The following RBFOX1 variants were observed in gnomAD, a reference collection of about 807,000 sequenced individuals.
The protein encoded by RBFOX1 is RNA binding protein fox-1 homolog 1.
Under a neutral mutation model 57.7 loss-of-function variants are expected in RBFOX1, and 8 were observed. The observed-to-expected ratio is 0.14, with a 90% CI of 0.08 to 0.25. The LOEUF is 0.25. RBFOX1 is among the 10% of genes least tolerant of loss of function. RBFOX1 has a pLI of 1.00. For synonymous variants in RBFOX1, 326 were observed against 222.4 expected (o/e 1.47, Z -4.15); for missense variants, 611 against 548.5 (o/e 1.11, Z -1.14).
intron 1 of RBFOX1, among the ~76,000 whole-genome samples, chr16:5,348,828 C>G (rs908537433): frequency 2.6e-4 from 39 of 152,204 alleles, no homozygotes; most frequent in African/African-American, 9.4e-4. Context: ...TCAGCAGACT[C>G]TTAGGTTGTT....
chr16:6,522,454 A>T (rs1046598365), intron 2 of RBFOX1, among the ~76,000 whole-genome samples: 1 of 152,176 alleles, frequency 6.6e-6, no homozygotes, highest in Non-Finnish European at 1.5e-5. Context: ...AAAGATATTT[A>T]TGAAGACATC....
chr16:6,671,254 T>C (rs1349487386), intron 3 of RBFOX1, among the ~76,000 whole-genome samples: 1 of 152,194 alleles, frequency 6.6e-6, no homozygotes, highest in African/African-American at 2.4e-5. Flanking sequence ...AATGGCTTCT[T>C]ATGCTCAGCA....
intron 4 of RBFOX1, among the ~76,000 whole-genome samples, chr16:7,387,709 G>A (rs2148289610): frequency 6.6e-6 from 1 of 152,284 alleles, no homozygotes; most frequent in African/African-American, 2.4e-5. Context: ...GCAGCTGTGG[G>A]CCATCATGGT....
chr16:7,591,920 G>T (rs912933119), intron 7 of RBFOX1, among the ~76,000 whole-genome samples: 1 of 152,180 alleles, frequency 6.6e-6, no homozygotes, highest in Non-Finnish European at 1.5e-5. Flanking sequence ...AAGGTTGCCT[G>T]GCACCTGTGC....
Position 5,941,956 on chromosome 16 carries a change from G to T in RBFOX1, c.351+74621G>T, listed in dbSNP as rs536655789. Among the ~76,000 whole-genome samples, 46 of 151,652 alleles carry T rather than the reference G, an allele frequency of 3.0e-4. 1 individual carries two copies. The highest frequency in any genetic ancestry group is 1.1e-3 in the African/African-American group (45 of 41,300). ...ATACTAGATAACAACGACCACCATT[G>T]TTATGGTATTTTTCTAAATCATATC... is the stretch of plus-strand genomic sequence containing the variant. On this transcript the variant is annotated intron_variant, in intron 4 of 19. Coordinates refer to the RBFOX1 transcript ENST00000641259.
chr16:6,992,952 C>T (rs2091737294), intron 3 of RBFOX1, among the ~76,000 whole-genome samples: 1 of 152,016 alleles, frequency 6.6e-6, no homozygotes, highest in African/African-American at 2.4e-5. Flanking sequence ...CAGACTCCTT[C>T]TTCCCAATTA....
chr16:5,991,580 A>T (rs1303238496), intron 4 of RBFOX1, among the ~76,000 whole-genome samples: 3 of 151,606 alleles, frequency 2.0e-5, no homozygotes, highest in Non-Finnish European at 4.4e-5. Context: ...ATCGCAGTGG[A>T]GCAATTGCAC....
intron 1 of RBFOX1, among the ~76,000 whole-genome samples, chr16:6,226,946 T>TTA (rs2097422601): frequency 3.0e-5 from 3 of 101,048 alleles, no homozygotes; most frequent in Non-Finnish European, 6.3e-5. Flanking sequence ...CCATCTCTAC[T>TTA]AAAAAAAAAA....
chr16:6,869,523 G>T (rs900858115), intron 3 of RBFOX1, among the ~76,000 whole-genome samples: 1 of 151,678 alleles, frequency 6.6e-6, no homozygotes, highest in Non-Finnish European at 1.5e-5. Context: ...ATATAAAAGG[G>T]TTTTATGAAT....
intron 3 of RBFOX1, among the ~76,000 whole-genome samples, chr16:6,864,024 A>G (rs1421597365): frequency 6.6e-6 from 1 of 150,514 alleles, no homozygotes; most frequent in African/African-American, 2.4e-5. Flanking sequence ...ATGCCTTGCA[A>G]AACCTCTAAT....
intron 4 of RBFOX1, among the ~76,000 whole-genome samples, chr16:7,101,904 C>T (rs777284120): frequency 1.3e-5 from 2 of 152,048 alleles, no homozygotes; most frequent in Admixed American, 1.3e-4. Flanking sequence ...GCATGGAGAC[C>T]AGGTGTTTAC....
At chr16:5,406,590 CTA>C (rs372914852) in intron 1 of RBFOX1, among the ~76,000 whole-genome samples, 29 of 151,756 alleles carry the variant, frequency 1.9e-4, no homozygotes, top group Non-Finnish European at 3.8e-4. Context: ...CTCTCTCTCT[CTA>C]TATATATGTA....
chr16:7,205,643 G>T (rs1166484036), intron 4 of RBFOX1, among the ~76,000 whole-genome samples: 3 of 152,108 alleles, frequency 2.0e-5, no homozygotes, highest in African/African-American at 7.2e-5. Flanking sequence ...ATACATTTTA[G>T]AAACCAAAAT....
At chr16:6,614,012 C>G (rs903247299) in intron 2 of RBFOX1, among the ~76,000 whole-genome samples, 1 of 152,172 alleles carries the variant, frequency 6.6e-6, no homozygotes, top group South Asian at 2.1e-4. Context: ...CAATTACTAA[C>G]CAGAGTTTTT....
chr16:7,164,722 C>A (rs1373831890), intron 4 of RBFOX1, among the ~76,000 whole-genome samples: 1 of 152,176 alleles, frequency 6.6e-6, no homozygotes, highest in Non-Finnish European at 1.5e-5. Flanking sequence ...TACCTCATGG[C>A]TGTATAGAAG....
At chr16:7,691,938 C>T (rs1334755941) in intron 14 of RBFOX1, among the ~76,000 whole-genome samples, 1 of 152,136 alleles carries the variant, frequency 6.6e-6, no homozygotes, top group South Asian at 2.1e-4. Flanking sequence ...TTCTAAGTGC[C>T]TGTTTTGTGC....
chr16:6,995,069 C>T (rs955632990), intron 3 of RBFOX1, among the ~76,000 whole-genome samples: 1 of 151,656 alleles, frequency 6.6e-6, no homozygotes, highest in East Asian at 2.0e-4. Context: ...CTAAAACTCT[C>T]TGGGGTTAAG....
intron 1 of RBFOX1, among the ~76,000 whole-genome samples, chr16:5,272,579 A>G (rs1343925106): frequency 6.6e-6 from 1 of 152,086 alleles, no homozygotes; most frequent in Non-Finnish European, 1.5e-5. Flanking sequence ...CCGATACCCC[A>G]CTGACGTGAA....
At chr16:5,927,135 T>G (rs2058955741) in intron 4 of RBFOX1, among the ~76,000 whole-genome samples, 1 of 152,250 alleles carries the variant, frequency 6.6e-6, no homozygotes, top group African/African-American at 2.4e-5. Flanking sequence ...TGACATTTAT[T>G]TTAATTGGAA....
Sources: allele counts gnomAD v4.1 joint callset (sites outside exome capture counted in the v4.1 genomes callset), GRCh38; gene constraint gnomAD v4.1.1; transcripts MANE v1.5; gene names NCBI Gene and HGNC (gene_info 2026-07-23, HGNC 2026-07-21).